The following GUCY1B1 variants were observed in gnomAD, a reference collection of about 807,000 sequenced individuals.
GUCY1B1 encodes the protein guanylate cyclase 1 soluble subunit beta 1, also known as guanylate cyclase soluble subunit beta-1.
A neutral mutation model predicts 71.0 loss-of-function variants in GUCY1B1; 43 were observed. That is an observed-to-expected ratio of 0.61 (90% CI 0.47 to 0.78). The LOEUF (loss-of-function observed/expected upper bound fraction) is 0.78, where lower values mean the gene tolerates loss of function less well. Ranked by LOEUF, GUCY1B1 falls within the 30% of genes least tolerant of loss-of-function variation. The pLI is 0.00. For synonymous variants in GUCY1B1, 266 were observed against 259.7 expected, an observed-to-expected ratio of 1.02 and a Z score of -0.23; for missense variants, 535 against 754.1, an observed-to-expected ratio of 0.71 and a Z score of 3.40.
intron 4 of GUCY1B1, 42 bp from the exon 5 acceptor site, chr4:155,789,672 C>A (rs367949923): frequency 2.5e-6 from 3 of 1,178,656 alleles, no homozygotes; most frequent in Non-Finnish European, 3.7e-6. Context: ...GCTGTCATTG[C>A]GAAAGCATTG....
At chr4:155,790,560 C>G (rs940466338) in intron 5 of GUCY1B1, among the ~76,000 whole-genome samples, 1 of 152,144 alleles carries the variant, frequency 6.6e-6, no homozygotes, top group South Asian at 2.1e-4. Context: ...CGGTTTCTCC[C>G]AGTCAGGCTG....
intron 2 of GUCY1B1, among the ~76,000 whole-genome samples, chr4:155,770,934 T>C (rs1737654175): frequency 6.6e-6 from 1 of 152,232 alleles, no homozygotes; most frequent in African/African-American, 2.4e-5. Context: ...ATCATTTTGT[T>C]ATATATCATG....
At chr4:155,780,459 C>T (rs1186730392) in intron 4 of GUCY1B1, among the ~76,000 whole-genome samples, 1 of 152,194 alleles carries the variant, frequency 6.6e-6, no homozygotes, top group Non-Finnish European at 1.5e-5. Context: ...TTTCATAGGA[C>T]ACTCTATTTC....
chr4:155,796,567 G>A (rs1315490000), intron 8 of GUCY1B1, 57 bp downstream of exon 8: 6 of 1,140,936 alleles, frequency 5.3e-6, no homozygotes, highest in Non-Finnish European at 7.6e-6. Context: ...AGCTAACAAA[G>A]GAATGCCACA....
chr4:155,781,127 TAATG>T (rs1373823311), intron 4 of GUCY1B1, among the ~76,000 whole-genome samples: 1 of 152,176 alleles, frequency 6.6e-6, no homozygotes, highest in Non-Finnish European at 1.5e-5. Context: ...TTTCTTGAAA[TAATG>T]AAAGAAAATT....
At chr4:155,759,198 G>A in intron 1 of GUCY1B1, 55 bp downstream of exon 1, 1 of 1,524,174 alleles carries the variant, frequency 6.6e-7, no homozygotes, top group South Asian at 1.2e-5. Context: ...GGCCGGCCTG[G>A]CAGCGAGGGA....
At chr4:155,760,096 T>A (rs1736879383) in intron 2 of GUCY1B1, among the ~76,000 whole-genome samples, 1 of 152,050 alleles carries the variant, frequency 6.6e-6, no homozygotes, top group South Asian at 2.1e-4. Flanking sequence ...AAGGAGCCCC[T>A]AGGGGTCACC....
rs1445723484 is a variant in GUCY1B1 at position 155,796,381 on chromosome 4, G to A, written c.848G>A (p.Gly283Glu). 6.2e-7 allele frequency: 1 copy of A among 1,612,974 alleles called. No individual in the cohort carries two copies. The highest frequency in any genetic ancestry group is 8.5e-7 in the Non-Finnish European group (1 of 1,179,434). Residue 283 changes from glycine (G) to glutamate (E), a missense_variant, in exon 8 of 14, where the codon GGA becomes GAA. Physicochemically the swap from Gly to Glu is moderately conservative, Grantham distance 98. Coordinates refer to ENST00000264424, the MANE Select transcript of GUCY1B1 (RefSeq NM_000857.5). ...GTTGTATCTTGCCTTTTCAAGGAAG[G>A]ATTGTTGGATGTGGAGAAATTAGAA... The part of the protein sequence containing the change: ...NTVFVLRSKE[G>E]LLDVEKLECE...
rs768646071 is a variant in GUCY1B1 at position 155,759,111 on chromosome 4, G to T, written c.-30G>T. The T allele has an allele frequency of 1.3e-6, 2 of 1,589,144 alleles. No individual in the cohort carries two copies. The highest frequency in any genetic ancestry group is 8.6e-7 in the Non-Finnish European group (1 of 1,168,530). The stretch of plus-strand genomic sequence containing the variant: ...CCTTCGGCCGTACCTCTGCGTGGGG[G>T]CTGCCTCCCCGGCTCCCGGTGCAGA... On this transcript the variant is annotated 5_prime_UTR_variant, in exon 1 of 14. Transcript: ENST00000264424.
chr4:155,802,408 C>A lies in GUCY1B1; in HGVS notation c.1242C>A (p.Ala414=), dbSNP rs376922120. Residue 414 remains alanine (A), a synonymous_variant, in exon 10 of 14, where the codon GCC becomes GCA. Transcript: ENST00000264424. This position sits in a 1 kb window ranked among gnomAD's most constrained non-coding sequence, Gnocchi z 4.3. ...TGCGGCACAAGCGTCCAGTGCCTGC[C>A]AAAAGATATGACAATGTGACCATCC... ...NELRHKRPVP[A]KRYDNVTILF... 5 of 1,613,730 alleles carry A rather than the reference C, an allele frequency of 3.1e-6. No homozygotes were observed. Among genetic ancestry groups the A allele is most frequent in the Middle Eastern group, 3.3e-4 (2 of 6,062 alleles).
At chr4:155,800,485 G>A (rs547559252) in intron 9 of GUCY1B1, among the ~76,000 whole-genome samples, 3 of 152,130 alleles carry the variant, frequency 2.0e-5, no homozygotes, top group South Asian at 2.1e-4. Flanking sequence ...CTTAACCACT[G>A]GCCATTACAT....
At position 155,777,760 on chromosome 4, in the gene GUCY1B1, G is replaced by T. The variant is rs183464152; in HGVS notation, c.297+118G>T. The T allele has an allele frequency of 1.1e-5, 6 of 560,440 alleles. No individual in the cohort carries two copies. The South Asian group carries it at 1.4e-4, about 13-fold the overall frequency. 34.7% of individuals were successfully genotyped at this position (560,440 alleles called of 1,614,324 possible). A position where few individuals can be genotyped will look rare whatever the true frequency, so the allele number is the denominator to read the frequency against. ...AGTGTCTTGCTTCTGAAATGGAATC[G>T]TAGTCACCTTTTTCTAATTCACATA... On this transcript the variant is annotated intron_variant, in intron 4 of 13. Coordinates refer to ENST00000264424, the MANE Select transcript of GUCY1B1 (RefSeq NM_000857.5).
In GUCY1B1 at chr4:155,799,948, G is replaced by A. The variant is rs1334359082; in HGVS notation, c.1049G>A (p.Arg350His). 4 of 1,613,090 alleles carry A rather than the reference G, an allele frequency of 2.5e-6. No individual in the cohort carries two copies. The highest frequency in any genetic ancestry group is 3.4e-6 in the Non-Finnish European group (4 of 1,179,158). ...LSDIPLHDAT[R>H]DLVLLGEQFR... is the part of the protein sequence containing the mutation. Reference sequence around the variant, plus strand: ...GACATCCCTCTGCATGATGCCACGCGCGATCTTGTTCTTTTGGGAGAACAA... The same window carrying A: ...GACATCCCTCTGCATGATGCCACGCACGATCTTGTTCTTTTGGGAGAACAA... Residue 350 changes from arginine (R) to histidine (H), a missense_variant, in exon 9 of 14, where the codon CGC becomes CAC. By Grantham distance (29) the Arg-to-His change is conservative. Coordinates refer to ENST00000264424, the MANE Select transcript of GUCY1B1 (RefSeq NM_000857.5).
intron 4 of GUCY1B1, among the ~76,000 whole-genome samples, chr4:155,780,530 C>G (rs1037600851): frequency 6.6e-6 from 1 of 152,190 alleles, no homozygotes; most frequent in Non-Finnish European, 1.5e-5. Flanking sequence ...GGAATGTAAA[C>G]TTCAGGAAGC....
chr4:155,763,377 A>C (rs1453617611), intron 2 of GUCY1B1, among the ~76,000 whole-genome samples: 2 of 152,156 alleles, frequency 1.3e-5, no homozygotes, highest in Non-Finnish European at 2.9e-5. Flanking sequence ...AAACATACAA[A>C]TTAGGAAGAT....
chr4:155,769,462 G>A (rs1200806575), intron 2 of GUCY1B1, among the ~76,000 whole-genome samples: 4 of 151,984 alleles, frequency 2.6e-5, no homozygotes, highest in African/African-American at 7.2e-5. Flanking sequence ...AAAATTTAAC[G>A]CTTAAGCCAA....
chr4:155,768,155 C>T (rs1049420861), intron 2 of GUCY1B1, among the ~76,000 whole-genome samples: 1 of 152,056 alleles, frequency 6.6e-6, no homozygotes, highest in Non-Finnish European at 1.5e-5. Context: ...TGTTCAGGCT[C>T]TCCCATTTCA....
chr4:155,796,656 C>G (rs1739578204), intron 8 of GUCY1B1, 146 bp downstream of exon 8: 1 of 596,610 alleles, frequency 1.7e-6, no homozygotes, highest in East Asian at 2.8e-5. Flanking sequence ...TACTTTATAA[C>G]AAGGATAATC....
intron 4 of GUCY1B1, among the ~76,000 whole-genome samples, chr4:155,780,154 C>T (rs1738311959): frequency 6.6e-6 from 1 of 152,182 alleles, no homozygotes; most frequent in African/African-American, 2.4e-5. Context: ...TTATTGCTCA[C>T]TGGAAACTGT....
Sources: allele counts gnomAD v4.1 joint callset (sites outside exome capture counted in the v4.1 genomes callset), GRCh38; gene constraint gnomAD v4.1.1; non-coding constraint Gnocchi (gnomAD v3.1); transcripts MANE v1.5; gene names NCBI Gene and HGNC (gene_info 2026-07-23, HGNC 2026-07-21).